The following FADD variants were observed in gnomAD, a reference collection of about 807,000 sequenced individuals.
FADD encodes the protein Fas associated via death domain, also known as FAS-associated death domain protein.
In FADD, 3 loss-of-function variants were observed where a neutral mutation model predicts 5.8. That is an observed-to-expected ratio of 0.52 (90% CI 0.24 to 1.34). The LOEUF (loss-of-function observed/expected upper bound fraction) is 1.34. FADD is among the 40% of genes most tolerant of loss of function. FADD has a pLI of 0.17. For missense variants in FADD, 249 were observed against 286.7 expected, an observed-to-expected ratio of 0.87 and a Z score of 0.95; for synonymous variants, 138 against 130.8, an observed-to-expected ratio of 1.06 and a Z score of -0.38.
chr11:70,205,215 C>G (rs1158778808), intron 1 of FADD, among the ~76,000 whole-genome samples: 1 of 152,198 alleles, frequency 6.6e-6, no homozygotes, highest in African/African-American at 2.4e-5. Flanking sequence ...CCTGCCTCTC[C>G]TTTCCTCTCT....
chr11:70,203,651 C>T lies in FADD; in HGVS notation c.192C>T (p.Arg64=), dbSNP rs546083176. The T allele has an allele frequency of 1.1e-5, 18 of 1,568,778 alleles. No homozygotes were observed. The East Asian group carries it at 4.1e-4, about 35-fold the overall frequency. The part of the protein sequence containing the change: ...DLEPGHTELL[R]ELLASLRRHD... Reference sequence around the variant, plus strand: ...AGCCCGGGCACACCGAGCTCCTGCGCGAGCTGCTCGCCTCCCTGCGGCGCC... The same window carrying T: ...AGCCCGGGCACACCGAGCTCCTGCGTGAGCTGCTCGCCTCCCTGCGGCGCC... Residue 64 remains arginine (R), a synonymous_variant, in exon 1 of 2, where the codon CGC becomes CGT. Transcript: ENST00000301838.
intron 1 of FADD, among the ~76,000 whole-genome samples, chr11:70,205,733 T>C (rs1266362315): frequency 6.6e-6 from 1 of 152,220 alleles, no homozygotes; most frequent in Non-Finnish European, 1.5e-5. Flanking sequence ...CAATTTCACG[T>C]GAACATACCT....
At position 70,203,301 on chromosome 11, in the gene FADD, T is replaced by C. The variant is rs930662963; in HGVS notation, c.-159T>C. 2.1e-5 allele frequency: 28 copies of C among 1,356,914 alleles called. No homozygotes were observed. The Admixed American group carries it at 7.4e-4, about 36-fold the overall frequency. The allele number at this position is 1,356,914 out of a possible 1,614,324, so 84.1% of individuals were successfully genotyped here. A position where few individuals can be genotyped will look rare whatever the true frequency, so the allele number is the denominator to read the frequency against. On this transcript the variant is annotated 5_prime_UTR_variant, in exon 1 of 2. Transcript: ENST00000301838. ...GAGATAACGGTCGAAAACGCGCTCT[T>C]GTCGATTTCCTGTAGTGAATCAGGC... is the stretch of plus-strand genomic sequence containing the variant.
In FADD at chr11:70,206,483, G is replaced by A. The variant is rs781036009; in HGVS notation, c.*10G>A. 1.2e-6 allele frequency: 2 copies of A among 1,600,772 alleles called. No homozygotes were observed. Among genetic ancestry groups the A allele is most frequent in the South Asian group, 2.2e-5 (2 of 89,178 alleles). The stretch of plus-strand genomic sequence containing the variant: ...CTCCGAAGCGTCCTGATGGGCCGCT[G>A]CTTTGCGCTGGTGGACCACAGGCAT... On this transcript the variant is annotated 3_prime_UTR_variant, in exon 2 of 2. Transcript: ENST00000301838.
At chr11:70,204,818 C>T (rs902165569) in intron 1 of FADD, among the ~76,000 whole-genome samples, 1 of 152,098 alleles carries the variant, frequency 6.6e-6, no homozygotes, top group East Asian at 1.9e-4. Context: ...AGGCGGTCTA[C>T]GAAACATAGC....
At position 70,203,432 on chromosome 11, in the gene FADD, G is replaced by A. The variant is rs984758009; in HGVS notation, c.-28G>A. 3.7e-5 allele frequency: 58 copies of A among 1,554,148 alleles called. No homozygotes were observed. The highest frequency in any genetic ancestry group is 5.0e-5 in the Non-Finnish European group (58 of 1,149,640). Reference sequence around the variant, plus strand: ...CAGAGGGCGCACGGAGGGCCGGGCCGCAGCCCCGGCCGCTTGCAGACCCCG... The same window carrying A: ...CAGAGGGCGCACGGAGGGCCGGGCCACAGCCCCGGCCGCTTGCAGACCCCG... On this transcript the variant is annotated 5_prime_UTR_variant, in exon 1 of 2. Coordinates refer to ENST00000301838, the MANE Select transcript of FADD (RefSeq NM_003824.4).
chr11:70,206,339 C>G lies in FADD; in HGVS notation c.493C>G (p.Leu165Val). The stretch of plus-strand genomic sequence containing the variant: ...AACAGTGGCCCACCTGGTGGGGGCT[C>G]TCAGGTCCTGCCAGATGAACCTGGT... ...NATVAHLVGA[L>V]RSCQMNLVAD... The change falls in exon 2 of 2, where the codon CTC becomes GTC. Residue 165 changes from leucine to valine, a missense_variant. Transcript: ENST00000301838. The G allele has an allele frequency of 6.2e-7, 1 of 1,614,196 alleles. No homozygotes were observed. The highest frequency in any genetic ancestry group is 8.5e-7 in the Non-Finnish European group (1 of 1,180,026).
intron 1 of FADD, among the ~76,000 whole-genome samples, chr11:70,205,616 A>G (rs1037756583): frequency 6.6e-6 from 1 of 152,154 alleles, no homozygotes; most frequent in South Asian, 2.1e-4. Flanking sequence ...GTCTCCTGCA[A>G]GGATACCTAT....
rs1461602350 is a variant in FADD at position 70,206,293 on chromosome 11, G to A, written c.447G>A (p.Lys149=). 2 of 1,614,094 alleles carry A rather than the reference G, an allele frequency of 1.2e-6. No individual in the cohort carries two copies. The highest frequency in any genetic ancestry group is 3.3e-5 in the Admixed American group (2 of 60,014). The change falls in exon 2 of 2, where the codon AAG becomes AAA. Residue 149 remains lysine (K), a synonymous_variant. Transcript: ENST00000301838. The part of the protein sequence containing the change: ...ERVRESLRIW[K]NTEKENATVA... ...TGCGGGAGTCACTGAGAATCTGGAAGAACACAGAGAAGGAGAACGCAACAG... is the reference window on the plus strand; with the variant it reads ...TGCGGGAGTCACTGAGAATCTGGAAAAACACAGAGAAGGAGAACGCAACAG...
At position 70,205,852 on chromosome 11, in the gene FADD, G is replaced by A. The variant is rs2049455614; in HGVS notation, c.287-281G>A. 2.6e-5 allele frequency among the ~76,000 whole-genome samples: 4 copies of A among 152,102 alleles called. No individual in the cohort carries two copies. The South Asian group carries it at 6.2e-4, about 24-fold the overall frequency. The stretch of plus-strand genomic sequence containing the variant: ...CCTCAGTGTCTCCTGCTCTAAGTAG[G>A]TAGCTCCACTACAACTTCCTTTGGC... On this transcript the variant is annotated intron_variant, in intron 1 of 1. Coordinates refer to ENST00000301838, the MANE Select transcript of FADD (RefSeq NM_003824.4).
rs1473500120 is a variant in FADD at position 70,204,440 on chromosome 11, T to C, written c.286+695T>C. On this transcript the variant is annotated intron_variant, in intron 1 of 1. Coordinates refer to ENST00000301838, the MANE Select transcript of FADD (RefSeq NM_003824.4). ...CTCCCTCTCCACCCTCGCCTGTGGA[T>C]TGCAGCAGCTTCCAGGATAAAAAAG... 2.6e-5 allele frequency among the ~76,000 whole-genome samples: 4 copies of C among 151,702 alleles called. No individual in the cohort carries two copies. The East Asian group carries it at 7.7e-4, about 29-fold the overall frequency.
rs1297027467 is a variant in FADD at position 70,207,276 on chromosome 11, T to C, written c.*803T>C. Reference sequence around the variant, plus strand: ...ACTGTTTTGTATCAAAATCACTATCTTTCTGATAACAGAATTGCCAAGGCA... The same window carrying C: ...ACTGTTTTGTATCAAAATCACTATCCTTCTGATAACAGAATTGCCAAGGCA... On this transcript the variant is annotated 3_prime_UTR_variant, in exon 2 of 2. Coordinates refer to ENST00000301838, the MANE Select transcript of FADD (RefSeq NM_003824.4). 5 of 152,254 alleles carry C rather than the reference T, an allele frequency of 3.3e-5. No individual in the cohort carries two copies. Among genetic ancestry groups the C allele is most frequent in the Non-Finnish European group, 7.3e-5 (5 of 68,056 alleles). The allele number at this position is 152,254 out of a possible 1,614,324, so 9.4% of individuals were successfully genotyped here.
chr11:70,206,184 G>A lies in FADD; in HGVS notation c.338G>A (p.Arg113Lys). ...VICDNVGKDW[R>K]RLARQLKVSD... ...TGTGATAATGTGGGGAAAGATTGGA[G>A]AAGGCTGGCTCGTCAGCTCAAAGTC... Residue 113 changes from arginine (R) to lysine (K), a missense_variant, in exon 2 of 2, where the codon AGA becomes AAA. Arg to Lys is a conservative substitution (Grantham distance 26). Transcript: ENST00000301838. 6.2e-7 allele frequency: 1 copy of A among 1,614,194 alleles called. No individual in the cohort carries two copies. The highest frequency in any genetic ancestry group is 2.2e-5 in the East Asian group (1 of 44,882).
At position 70,203,629 on chromosome 11, in the gene FADD, C is replaced by A. The variant is rs780471059; in HGVS notation, c.170C>A (p.Pro57His). 6.3e-7 allele frequency: 1 copy of A among 1,588,698 alleles called. No homozygotes were observed. The highest frequency in any genetic ancestry group is 1.4e-5 in the African/African-American group (1 of 71,788). Reference protein sequence around the residue: ...SMLLEQNDLEPGHTELLRELL... With the variant: ...SMLLEQNDLEHGHTELLRELL... ...CTGCTGGAGCAGAACGACCTGGAGC[C>A]CGGGCACACCGAGCTCCTGCGCGAG... Residue 57 changes from proline (P) to histidine (H), a missense_variant, in exon 1 of 2, where the codon CCC (proline) becomes CAC (histidine). By Grantham distance (77) the Pro-to-His change is moderately conservative. Coordinates refer to ENST00000301838, the MANE Select transcript of FADD (RefSeq NM_003824.4).
chr11:70,205,250 T>C (rs2049450825), intron 1 of FADD, among the ~76,000 whole-genome samples: 1 of 152,182 alleles, frequency 6.6e-6, no homozygotes, highest in African/African-American at 2.4e-5. Flanking sequence ...CGGCCTTTTA[T>C]GGTCTTGTGA....
chr11:70,203,814 C>T (rs2049440550), intron 1 of FADD, 69 bp downstream of exon 1: 2 of 744,364 alleles, frequency 2.7e-6, no homozygotes, highest in African/African-American at 1.9e-5. Flanking sequence ...GAGGCTCCTC[C>T]GGTTGGCCTC....
Position 70,203,338 on chromosome 11 carries a change from G to A in FADD, c.-122G>A. On this transcript the variant is annotated 5_prime_UTR_variant, in exon 1 of 2. Transcript: ENST00000301838. The stretch of plus-strand genomic sequence containing the variant: ...GTAGTGAATCAGGCACCGGAGTGCA[G>A]GTTCGGGGGTGGAATCCTTGGGCCG... 2 of 1,503,872 alleles carry A rather than the reference G, an allele frequency of 1.3e-6. No individual in the cohort carries two copies. The highest frequency in any genetic ancestry group is 2.3e-5 in the Admixed American group (1 of 43,706). The allele number at this position is 1,503,872 out of a possible 1,614,324, so 93.2% of individuals were successfully genotyped here.
intron 1 of FADD, among the ~76,000 whole-genome samples, chr11:70,205,807 C>T (rs909808084): frequency 6.6e-6 from 1 of 152,178 alleles, no homozygotes; most frequent in African/African-American, 2.4e-5. Flanking sequence ...TTCTTCCCTC[C>T]CACAACTCCC....
rs11370544 is a variant in FADD at position 70,205,971 on chromosome 11, G to GA, written c.287-162_287-161insA. ...ATCAGGCCACTCTTGGGCATTTGGT[G>GA]CAGCCCCTTTGCTGCCAGGCGACTC... On this transcript the variant is annotated intron_variant, in intron 1 of 1. Transcript: ENST00000301838. 0.79 allele frequency among the ~76,000 whole-genome samples: 120,820 copies of GA among 152,002 alleles called. 48,239 individuals carry two copies. The highest frequency in any genetic ancestry group is 0.94 in the East Asian group (4,818 of 5,138).
Sources: gnomAD v4.1 joint callset for allele counts (sites outside exome capture counted in the v4.1 genomes callset) on GRCh38, gnomAD v4.1.1 for gene constraint, MANE v1.5 for transcripts, NCBI Gene and HGNC (gene_info 2026-07-23, HGNC 2026-07-21) for gene names.